REEP2: variants seen among roughly 807,000 people sequenced by gnomAD.
REEP2 encodes receptor accessory protein 2, also known as receptor expression-enhancing protein 2.
In REEP2, 9 loss-of-function variants were observed where a neutral mutation model predicts 32.1. The observed-to-expected ratio is 0.28, with a 90% CI of 0.17 to 0.49. REEP2 has a LOEUF of 0.49. Among genes scored for constraint, REEP2 ranks in the 20% least tolerant of loss-of-function variants. The pLI is 0.99. For synonymous variants in REEP2, 128 were observed against 139.1 expected, an observed-to-expected ratio of 0.92 and a Z score of 0.56; for missense variants, 236 against 338.0, an observed-to-expected ratio of 0.70 and a Z score of 2.37.
Position 138,439,259 on chromosome 5 carries a change from G to C in REEP2, c.32+19G>C, listed in dbSNP as rs200655582. The C allele has an allele frequency of 1.3e-5, 18 of 1,422,138 alleles. No homozygotes were observed. The highest frequency in any genetic ancestry group is 8.1e-5 in the East Asian group (3 of 37,128). 88.1% of individuals were successfully genotyped at this position (1,422,138 alleles called of 1,614,324 possible). A position where few individuals can be genotyped will look rare whatever the true frequency, so the allele number is the denominator to read the frequency against. On this transcript the variant is annotated intron_variant, in intron 1 of 7. Coordinates refer to ENST00000378339, the MANE Select transcript of REEP2 (RefSeq NM_001271803.2). ...TGGTGGTGTGAGTGCGGCGGCGGCGGGGGGTGATGCGGGCTGTGATGGAGG... is the reference window on the plus strand; with the variant it reads ...TGGTGGTGTGAGTGCGGCGGCGGCGCGGGGTGATGCGGGCTGTGATGGAGG...
intron 5 of REEP2, 34 bp from the exon 6 acceptor site, chr5:138,445,194 C>T: frequency 6.4e-7 from 1 of 1,551,288 alleles, no homozygotes; most frequent in Non-Finnish European, 8.7e-7. Flanking sequence ...CGCCCCTTCC[C>T]CCCGGCTCTC....
chr5:138,441,223 C>A lies in REEP2; in HGVS notation c.105+135C>A. On this transcript the variant is annotated intron_variant, in intron 2 of 7. Coordinates refer to ENST00000378339, the MANE Select transcript of REEP2 (RefSeq NM_001271803.2). This position sits in a 1 kb window ranked among gnomAD's most constrained non-coding sequence, Gnocchi z 4.4. ...AACAAGACCCACCAGCAAAGGAGGG[C>A]CCTGGGTGTCCCACACAGCGCCTCC... 4 of 1,330,890 alleles carry A rather than the reference C, an allele frequency of 3.0e-6. No individual in the cohort carries two copies. The highest frequency in any genetic ancestry group is 4.3e-6 in the Non-Finnish European group (4 of 940,242). The allele number at this position is 1,330,890 out of a possible 1,614,324, so 82.4% of individuals were successfully genotyped here. A position where few individuals can be genotyped will look rare whatever the true frequency, so the allele number is the denominator to read the frequency against.
At chr5:138,440,919 T>C in intron 1 of REEP2, 97 bp from the exon 2 acceptor site, 1 of 1,592,166 alleles carries the variant, frequency 6.3e-7, no homozygotes, top group South Asian at 1.1e-5. Flanking sequence ...GAGTTCTGTC[T>C]CTCTTCCCAT....
rs111848060 is a variant in REEP2, at chr5:138,440,751, G to A, written c.33-265G>A. 0.027 allele frequency among the ~76,000 whole-genome samples: 4,121 copies of A among 152,290 alleles called. 80 individuals are homozygous for A. The highest frequency in any genetic ancestry group is 0.037 in the Middle Eastern group (11 of 294). ...TGTAACCAAGGATCATGGCGCAAGG[G>A]ACTACATTGGACCCTCTGGCCTCTG... On this transcript the variant is annotated intron_variant, in intron 1 of 7. Coordinates refer to ENST00000378339, the MANE Select transcript of REEP2 (RefSeq NM_001271803.2).
Position 138,441,261 on chromosome 5 carries a change from A to AG in REEP2, c.106-122dup. 1 of 1,267,124 alleles carries AG rather than the reference A, an allele frequency of 7.9e-7. No individual in the cohort carries two copies. The highest frequency in any genetic ancestry group is 1.1e-6 in the Non-Finnish European group (1 of 872,832). 78.5% of individuals were successfully genotyped at this position (1,267,124 alleles called of 1,614,324 possible). ...ACACAGCGCCTCCAACATGGCTGGC[A>AG]GGCAGAAGTGGGGTCCTTGGTGTTC... On this transcript the variant is annotated intron_variant, in intron 2 of 7. Coordinates refer to ENST00000378339, the MANE Select transcript of REEP2 (RefSeq NM_001271803.2). This position sits in a 1 kb window ranked among gnomAD's most constrained non-coding sequence, Gnocchi z 4.4.
At position 138,444,253 on chromosome 5, in the gene REEP2, AC is replaced by A. The variant is rs1337672110; in HGVS notation, c.183-159del. On this transcript the variant is annotated intron_variant, in intron 3 of 7. Transcript: ENST00000378339. Reference sequence around the variant, plus strand: ...TTGGAGCTTCAGCTGAGCCCTCCAGACCCTTTCAGATTAGAAAGGAGCAGTC... The same window carrying A: ...TTGGAGCTTCAGCTGAGCCCTCCAGACCTTTCAGATTAGAAAGGAGCAGTC... 9.4e-6 allele frequency: 7 copies of A among 743,524 alleles called. No homozygotes were observed. In the Admixed American group the frequency reaches 2.0e-4, roughly 21 times the overall value. The allele number at this position is 743,524 out of a possible 1,614,324, so 46.1% of individuals were successfully genotyped here. A position where few individuals can be genotyped will look rare whatever the true frequency, so the allele number is the denominator to read the frequency against.
In REEP2 at chr5:138,445,608, C is replaced by T. The variant is rs774257512; in HGVS notation, c.696+10C>T. On this transcript the variant is annotated intron_variant, in intron 7 of 7. Transcript: ENST00000378339. ...AGCGCCCAAAGCTGAGGTGAGGGCA[C>T]TGGCCAGAGCTTGGGGAAACAGGCA... The T allele has an allele frequency of 2.2e-5, 35 of 1,614,088 alleles. No homozygotes were observed. Among genetic ancestry groups the T allele is most frequent in the Non-Finnish European group, 2.9e-5 (34 of 1,180,034 alleles).
At chr5:138,442,168 G>A (rs72803900) in intron 3 of REEP2, among the ~76,000 whole-genome samples, 3,957 of 152,260 alleles carry the variant, frequency 0.026, 88 homozygotes, top group South Asian at 0.11. Context: ...ACTAGACTAC[G>A]TATGTATGAG....
chr5:138,444,123 G>A (rs1046451756), intron 3 of REEP2, among the ~76,000 whole-genome samples: 1 of 152,068 alleles, frequency 6.6e-6, no homozygotes, highest in African/African-American at 2.4e-5. Flanking sequence ...CAGAGGAAGG[G>A]GGGTTTTCTC....
At chr5:138,440,608 G>A (rs77085797) in intron 1 of REEP2, among the ~76,000 whole-genome samples, 11,553 of 152,218 alleles carry the variant, frequency 0.076, 614 homozygotes, top group Non-Finnish European at 0.11. Context: ...TTCCCTCGCA[G>A]AGCCTGGCTC....
At position 138,445,995 on chromosome 5, in the gene REEP2, G is replaced by A. The variant is rs552517619; in HGVS notation, c.*244G>A. 2 of 548,898 alleles carry A rather than the reference G, an allele frequency of 3.6e-6. No homozygotes were observed. Among genetic ancestry groups the A allele is most frequent in the Non-Finnish European group, 6.5e-6 (2 of 309,658 alleles). The allele number at this position is 548,898 out of a possible 1,614,324, so 34.0% of individuals were successfully genotyped here. A position where few individuals can be genotyped will look rare whatever the true frequency, so the allele number is the denominator to read the frequency against. ...AGAGGCTGAGGACTGAGCCACCCAA[G>A]GAGGTGGGGACTGCTCGGCCTCCAC... On this transcript the variant is annotated 3_prime_UTR_variant, in exon 8 of 8. Coordinates refer to ENST00000378339, the MANE Select transcript of REEP2 (RefSeq NM_001271803.2).
Position 138,446,062 on chromosome 5 carries a change from G to A in REEP2, c.*311G>A, listed in dbSNP as rs938246746. 4.7e-5 allele frequency: 19 copies of A among 402,100 alleles called. No individual in the cohort carries two copies. The highest frequency in any genetic ancestry group is 1.7e-4 in the Admixed American group (4 of 24,136). 24.9% of individuals were successfully genotyped at this position (402,100 alleles called of 1,614,324 possible). ...CCCCGCCCTGCCCCACCCACCCAGT[G>A]CCTTGCTGAAGCCCATAGCAATCCG... On this transcript the variant is annotated 3_prime_UTR_variant, in exon 8 of 8. Coordinates refer to ENST00000378339, the MANE Select transcript of REEP2 (RefSeq NM_001271803.2).
Position 138,445,557 on chromosome 5 carries a change from C to T in REEP2, c.655C>T (p.Pro219Ser), listed in dbSNP as rs1465783729. The T allele has an allele frequency of 6.2e-7, 1 of 1,614,196 alleles. No homozygotes were observed. Among genetic ancestry groups the T allele is most frequent in the Non-Finnish European group, 8.5e-7 (1 of 1,180,036 alleles). ...TGAGGATGACATGGGAGACAAAGCT[C>T]CCAAGAGGGCCAAACCCATCAAAAA... ...ASEDDMGDKA[P>S]KRAKPIKKAP... Residue 219 changes from proline (P) to serine (S), a missense_variant, in exon 7 of 8, where the codon CCC becomes TCC. Pro to Ser is a moderately conservative substitution (Grantham distance 74, BLOSUM62 -1). Transcript: ENST00000378339.
rs1010696337 is a variant in REEP2, at chr5:138,441,147, C to T, written c.105+59C>T. On this transcript the variant is annotated intron_variant, in intron 2 of 7. Coordinates refer to ENST00000378339, the MANE Select transcript of REEP2 (RefSeq NM_001271803.2). The surrounding 1 kb of genome is among the most constrained non-coding windows in gnomAD (Gnocchi z 4.4). ...CACATGGCACAGAGAGGGGAGGGCA[C>T]TGGGTCCTATTACAGATGGGGGTGA... The T allele has an allele frequency of 6.2e-7, 1 of 1,602,494 alleles. No individual in the cohort carries two copies. Among genetic ancestry groups the T allele is most frequent in the Non-Finnish European group, 8.5e-7 (1 of 1,172,510 alleles).
Position 138,444,831 on chromosome 5 carries a change from C to G in REEP2, c.381C>G (p.Asn127Lys). Residue 127 changes from asparagine (N) to lysine (K), a missense_variant, in exon 5 of 8, where the codon AAC (asparagine) becomes AAG (lysine). Transcript: ENST00000378339. ...TMMRVGKRGL[N>K]LAANAAVTAA... ...TGAGGGTGGGCAAGAGGGGCCTGAACCTTGCCGCCAATGCTGCAGTCACAG... is the reference window on the plus strand; with the variant it reads ...TGAGGGTGGGCAAGAGGGGCCTGAAGCTTGCCGCCAATGCTGCAGTCACAG... 1 of 1,613,676 alleles carries G rather than the reference C, an allele frequency of 6.2e-7. No individual in the cohort carries two copies. Among genetic ancestry groups the G allele is most frequent in the Non-Finnish European group, 8.5e-7 (1 of 1,179,832 alleles).
intron 3 of REEP2, among the ~76,000 whole-genome samples, chr5:138,443,176 T>C (rs977694976): frequency 3.3e-5 from 5 of 151,292 alleles, no homozygotes; most frequent in Admixed American, 6.6e-5. Flanking sequence ...AAAAAAAAAA[T>C]TGGCCAGGTG....
rs1367872423 is a variant in REEP2, at chr5:138,441,739, AC to A, written c.182+279del. Among the ~76,000 whole-genome samples, 6 of 152,144 alleles carry A rather than the reference AC, an allele frequency of 3.9e-5. No individual in the cohort carries two copies. Among genetic ancestry groups the A allele is most frequent in the African/African-American group, 1.4e-4 (6 of 41,434 alleles). On this transcript the variant is annotated intron_variant, in intron 3 of 7. Coordinates refer to ENST00000378339, the MANE Select transcript of REEP2 (RefSeq NM_001271803.2). The surrounding 1 kb of genome is among the most constrained non-coding windows in gnomAD (Gnocchi z 4.4). ...CAGGAGTTTGAGACCAGCCTGGCCA[AC>A]ATGGTGAAACCCCGTCTCCACTAAA... is the stretch of plus-strand genomic sequence containing the variant.
intron 5 of REEP2, 165 bp from the exon 6 acceptor site, chr5:138,445,063 G>C: frequency 1.1e-6 from 1 of 873,504 alleles, no homozygotes; most frequent in Admixed American, 2.6e-5. Context: ...TGTCCCCAGA[G>C]GCAAAGTGTG....
At chr5:138,440,396 G>A (rs1021608808) in intron 1 of REEP2, among the ~76,000 whole-genome samples, 3 of 152,204 alleles carry the variant, frequency 2.0e-5, no homozygotes, top group Admixed American at 2.0e-4. Flanking sequence ...TTCTTTCCCG[G>A]CCTGTGTCTT....
Sources: gnomAD v4.1 joint callset for allele counts (sites outside exome capture counted in the v4.1 genomes callset) on GRCh38, gnomAD v4.1.1 for gene constraint, Gnocchi (gnomAD v3.1) non-coding constraint, MANE v1.5 for transcripts, NCBI Gene and HGNC (gene_info 2026-07-23, HGNC 2026-07-21) for gene names.